The following ITCH variants were observed in gnomAD, a reference collection of about 807,000 sequenced individuals.
The protein encoded by ITCH is E3 ubiquitin-protein ligase Itchy homolog.
ITCH carries 28 observed loss-of-function variants against 126.8 expected under a neutral mutation model. That is an observed-to-expected ratio of 0.22 (90% CI 0.16 to 0.30). The LOEUF is 0.30. Among genes scored for constraint, ITCH ranks in the 10% least tolerant of loss-of-function variants. ITCH has a pLI of 1.00. For missense variants in ITCH, 631 were observed against 1,032.4 expected (o/e 0.61, Z 5.33); for synonymous variants, 342 against 340.0 (o/e 1.01, Z -0.06).
intron 7 of ITCH, among the ~76,000 whole-genome samples, chr20:34,428,986 G>A (rs111755152): frequency 2.2e-3 from 334 of 152,256 alleles, no homozygotes; most frequent in African/African-American, 6.3e-3. Flanking sequence ...TGCCCAGGCT[G>A]GAGTGCAGTG....
intron 2 of ITCH, among the ~76,000 whole-genome samples, chr20:34,371,658 A>G (rs2037636291): frequency 6.6e-6 from 1 of 152,200 alleles, no homozygotes; most frequent in South Asian, 2.1e-4. Flanking sequence ...AAGCAATTTA[A>G]AAAATATTTA....
chr20:34,388,769 A>G (rs910089528), intron 2 of ITCH, among the ~76,000 whole-genome samples: 3 of 152,220 alleles, frequency 2.0e-5, no homozygotes, highest in Non-Finnish European at 2.9e-5. Context: ...AAATGAGAGC[A>G]CTAATAGCCT....
chr20:34,478,680 C>T (rs1424839113), intron 17 of ITCH, among the ~76,000 whole-genome samples: 1 of 152,054 alleles, frequency 6.6e-6, no homozygotes, highest in Non-Finnish European at 1.5e-5. Context: ...TAGTTCAGAG[C>T]CTGTGTCTTT....
chr20:34,467,154 A>G (rs1568974283), intron 14 of ITCH, among the ~76,000 whole-genome samples: 1 of 152,258 alleles, frequency 6.6e-6, no homozygotes, highest in African/African-American at 2.4e-5. Context: ...AAATTCTTTG[A>G]AAGATATGTC....
At position 34,507,847 on chromosome 20, in the gene ITCH, C is replaced by G. The variant is rs1978331632; in HGVS notation, c.*53C>G. The G allele has an allele frequency of 7.7e-7, 1 of 1,296,584 alleles. No homozygotes were observed. Among genetic ancestry groups the G allele is most frequent in the East Asian group, 2.3e-5 (1 of 43,102 alleles). The allele number at this position is 1,296,584 out of a possible 1,614,324, so 80.3% of individuals were successfully genotyped here. ...CAAGAACTTATTTGCAATGTTTGTC[C>G]TTCTCTGCCTGTTGCACATCTTGTA... On this transcript the variant is annotated 3_prime_UTR_variant, in exon 25 of 25. Transcript: ENST00000374864.
intron 20 of ITCH, among the ~76,000 whole-genome samples, chr20:34,482,758 CA>C (rs1263047795): frequency 2.0e-5 from 3 of 152,182 alleles, no homozygotes; most frequent in Non-Finnish European, 4.4e-5. Context: ...CTCACAGCTC[CA>C]CTAGGCAGTG....
intron 9 of ITCH, among the ~76,000 whole-genome samples, 198 bp downstream of exon 9, chr20:34,440,542 C>T (rs183785716): frequency 2.2e-4 from 33 of 152,048 alleles, no homozygotes; most frequent in African/African-American, 7.2e-4. Context: ...CTGCGACCTC[C>T]GCCCCCTGGG....
intron 2 of ITCH, among the ~76,000 whole-genome samples, chr20:34,375,643 A>T (rs1400546528): frequency 6.7e-6 from 1 of 149,998 alleles, no homozygotes; most frequent in Non-Finnish European, 1.5e-5. Flanking sequence ...AAAATAATTT[A>T]AAAATACTAC....
chr20:34,474,659 G>A (rs1427200747), intron 16 of ITCH, among the ~76,000 whole-genome samples: 8 of 152,170 alleles, frequency 5.3e-5, no homozygotes, highest in Admixed American at 2.0e-4. Context: ...ATCATGGCCC[G>A]TTCTCAATGA....
At chr20:34,373,185 G>T (rs558886078) in intron 2 of ITCH, among the ~76,000 whole-genome samples, 1 of 152,108 alleles carries the variant, frequency 6.6e-6, no homozygotes, top group East Asian at 1.9e-4. Flanking sequence ...TGTTGGTGAG[G>T]CTGATCTTGA....
At chr20:34,434,364 G>A (rs1009357431) in intron 7 of ITCH, among the ~76,000 whole-genome samples, 1 of 152,164 alleles carries the variant, frequency 6.6e-6, no homozygotes, top group African/African-American at 2.4e-5. Context: ...AGAGTATAGT[G>A]AAGGAAAGGG....
chr20:34,466,427 T>A (rs772956057), intron 14 of ITCH: 1 of 521,934 alleles, frequency 1.9e-6, no homozygotes, highest in Non-Finnish European at 3.9e-6. Context: ...TATTACTTTC[T>A]AATTTTATAC....
intron 23 of ITCH, among the ~76,000 whole-genome samples, chr20:34,499,076 A>G (rs897082208): frequency 2.0e-5 from 3 of 150,284 alleles, no homozygotes; most frequent in African/African-American, 7.3e-5. Context: ...ACAGGTTCAC[A>G]CCATTCTCCT....
At chr20:34,377,696 TC>T (rs2037899611) in intron 2 of ITCH, among the ~76,000 whole-genome samples, 1 of 151,944 alleles carries the variant, frequency 6.6e-6, no homozygotes, top group Non-Finnish European at 1.5e-5. Flanking sequence ...AAACCCTGTC[TC>T]TACGAAAAAC....
chr20:34,458,122 A>G (rs1363081337), intron 13 of ITCH, among the ~76,000 whole-genome samples: 1 of 152,150 alleles, frequency 6.6e-6, no homozygotes, highest in Non-Finnish European at 1.5e-5. Flanking sequence ...AGGAGGAAGA[A>G]AATACATACT....
intron 4 of ITCH, among the ~76,000 whole-genome samples, chr20:34,411,212 C>T (rs977521976): frequency 6.6e-6 from 1 of 152,110 alleles, no homozygotes; most frequent in African/African-American, 2.4e-5. Flanking sequence ...AGTGCAGTGG[C>T]GCGATCTCTG....
At chr20:34,413,930 G>A (rs773981833) in intron 6 of ITCH, 51 bp downstream of exon 6, 2 of 1,435,768 alleles carry the variant, frequency 1.4e-6, no homozygotes, top group South Asian at 1.1e-5. Flanking sequence ...AAATAAAATA[G>A]CCATTGTAGT....
chr20:34,489,352 A>G lies in ITCH; in HGVS notation c.2180A>G (p.Gln727Arg). 6.2e-7 allele frequency: 1 copy of G among 1,613,476 alleles called. No homozygotes were observed. The highest frequency in any genetic ancestry group is 8.5e-7 in the Non-Finnish European group (1 of 1,179,546). The change falls in exon 21 of 25, where the codon CAA (glutamine) becomes CGA (arginine). Residue 727 changes from glutamine to arginine, a missense_variant. Coordinates refer to ENST00000374864, the MANE Select transcript of ITCH (RefSeq NM_031483.7). Reference sequence around the variant, plus strand: ...GGCTTTAATGAAATTCTTCCCCAGCAATATTTGCAATACTTTGATGCAAAG... The same window carrying G: ...GGCTTTAATGAAATTCTTCCCCAGCGATATTTGCAATACTTTGATGCAAAG... ...FEGFNEILPQ[Q>R]YLQYFDAKEL...
At chr20:34,431,184 G>A (rs1230046910) in intron 7 of ITCH, among the ~76,000 whole-genome samples, 1 of 152,118 alleles carries the variant, frequency 6.6e-6, no homozygotes, top group Non-Finnish European at 1.5e-5. Context: ...GGAGGCCCAA[G>A]GGGAAGATTG....
Sources: gnomAD v4.1 joint callset for allele counts (sites outside exome capture counted in the v4.1 genomes callset) on GRCh38, gnomAD v4.1.1 for gene constraint, MANE v1.5 for transcripts, NCBI Gene and HGNC (gene_info 2026-07-23, HGNC 2026-07-21) for gene names.